The following MANBA variants were observed in gnomAD, a reference collection of about 807,000 sequenced individuals.
MANBA encodes the protein mannosidase beta.
In MANBA, 83 loss-of-function variants were observed where a neutral mutation model predicts 111.1. The observed-to-expected ratio is 0.75, with a 90% CI of 0.63 to 0.90. The LOEUF (loss-of-function observed/expected upper bound fraction) is 0.90. MANBA is among the 40% of genes least tolerant of loss of function. The pLI is 0.00. For synonymous variants in MANBA, 370 were observed against 378.7 expected, an observed-to-expected ratio of 0.98 and a Z score of 0.27; for missense variants, 1,036 against 1,069.0, an observed-to-expected ratio of 0.97 and a Z score of 0.43.
chr4:102,653,408 T>G (rs1730429521), intron 12 of MANBA, among the ~76,000 whole-genome samples: 1 of 152,226 alleles, frequency 6.6e-6, no homozygotes, highest in Non-Finnish European at 1.5e-5. Context: ...AGCCCAAACT[T>G]TTAATCACCG....
At position 102,759,784 on chromosome 4, in the gene MANBA, C is replaced by T. The variant is rs113599308; in HGVS notation, c.177+934G>A. Among the ~76,000 whole-genome samples the T allele has an allele frequency of 8.0e-3, 1,224 of 152,218 alleles. 12 individuals are homozygous for T. The highest frequency in any genetic ancestry group is 0.028 in the African/African-American group (1,174 of 41,522). ...ACCTGGGTTAGAATTCCATTTCTTT[C>T]CATTTAGTTGCTGTCACCTTCCTAA... On this transcript the variant is annotated intron_variant, in intron 1 of 16. Transcript: ENST00000647097.
intron 1 of MANBA, among the ~76,000 whole-genome samples, chr4:102,757,325 G>A (rs1165621819): frequency 1.3e-5 from 2 of 148,572 alleles, no homozygotes; most frequent in Non-Finnish European, 3.0e-5. Context: ...GCGAAACTCC[G>A]TCTCAAAAAA....
At chr4:102,636,031 G>T in intron 14 of MANBA, 24 bp from the exon 15 acceptor site, 1 of 1,609,776 alleles carries the variant, frequency 6.2e-7, no homozygotes, top group East Asian at 2.2e-5. Flanking sequence ...AGAGTGTCAG[G>T]AGACGGCAAG....
chr4:102,664,551 C>T (rs942879698), intron 11 of MANBA, 134 bp downstream of exon 11: 3 of 736,334 alleles, frequency 4.1e-6, no homozygotes, highest in South Asian at 1.5e-5. Context: ...GGGGTTTCAC[C>T]GTGGTCTCGA....
chr4:102,632,539 G>T (rs1401499175), intron 16 of MANBA, among the ~76,000 whole-genome samples: 1 of 152,216 alleles, frequency 6.6e-6, no homozygotes, highest in Non-Finnish European at 1.5e-5. Flanking sequence ...TATTTCACAA[G>T]AAGCTCAAAG....
chr4:102,752,585 G>C, intron 1 of MANBA: 1 of 643,608 alleles, frequency 1.6e-6, no homozygotes, highest in Non-Finnish European at 3.0e-6. Flanking sequence ...TGGACAAGCA[G>C]ACAATAAATT....
intron 7 of MANBA, among the ~76,000 whole-genome samples, chr4:102,674,975 T>C (rs917736833): frequency 2.0e-5 from 3 of 152,228 alleles, no homozygotes; most frequent in Non-Finnish European, 4.4e-5. Flanking sequence ...ACTTTATTTA[T>C]ATGAAATGAC....
chr4:102,705,441 T>C (rs1733254237), intron 5 of MANBA, among the ~76,000 whole-genome samples: 1 of 152,160 alleles, frequency 6.6e-6, no homozygotes. Context: ...CATCCCCAAG[T>C]GTAGCCAGGC....
At chr4:102,738,442 C>T (rs1723293655) in intron 1 of MANBA, among the ~76,000 whole-genome samples, 1 of 152,230 alleles carries the variant, frequency 6.6e-6, no homozygotes. Flanking sequence ...GGCAGACAGT[C>T]CCCAGCATCA....
At chr4:102,727,056 C>A (rs1276141975) in intron 1 of MANBA, among the ~76,000 whole-genome samples, 4 of 152,190 alleles carry the variant, frequency 2.6e-5, no homozygotes, top group African/African-American at 4.8e-5. Context: ...GGATTACAGG[C>A]ATGAGCCATC....
intron 5 of MANBA, among the ~76,000 whole-genome samples, chr4:102,708,434 T>TA (rs998549866): frequency 8.6e-5 from 13 of 151,610 alleles, no homozygotes; most frequent in Admixed American, 1.3e-4. Context: ...AAGGAGGTAA[T>TA]AAAAAAAGTC....
chr4:102,740,910 C>A (rs189200752), intron 1 of MANBA, among the ~76,000 whole-genome samples: 3 of 151,582 alleles, frequency 2.0e-5, no homozygotes, highest in African/African-American at 7.3e-5. Context: ...TTCCTAAGAA[C>A]CCAAAAGCAA....
At chr4:102,725,353 C>T (rs963376424) in intron 2 of MANBA, among the ~76,000 whole-genome samples, 1 of 151,912 alleles carries the variant, frequency 6.6e-6, no homozygotes, top group Non-Finnish European at 1.5e-5. Context: ...AACCCCTTAC[C>T]CCTGCAAAGA....
chr4:102,690,153 A>C (rs1348120791), intron 6 of MANBA, among the ~76,000 whole-genome samples: 2 of 152,198 alleles, frequency 1.3e-5, no homozygotes, highest in Non-Finnish European at 2.9e-5. Context: ...GAAAAGATAA[A>C]AATAATCCGT....
chr4:102,711,682 A>C (rs1722074045), intron 5 of MANBA, among the ~76,000 whole-genome samples: 1 of 152,220 alleles, frequency 6.6e-6, no homozygotes, highest in Admixed American at 6.5e-5. Flanking sequence ...CACTATTCAC[A>C]ATAGCAAAGA....
intron 1 of MANBA, chr4:102,734,338 G>A (rs769810623): frequency 1.6e-5 from 26 of 1,600,752 alleles, no homozygotes; most frequent in Admixed American, 6.8e-5. Flanking sequence ...AGAGACCTCA[G>A]GCAGCAAGCG....
rs545500023 is a variant in MANBA, at chr4:102,669,986, AAAAG to A, written c.1231-941_1231-938del. ...CAGAGCAAGACTCCGTCTCAAAAAAAAAAGAAAGAAATATAAAAATTAGCCGGGC... is the reference window on the plus strand; with the variant it reads ...CAGAGCAAGACTCCGTCTCAAAAAAAAAAGAAATATAAAAATTAGCCGGGC... On this transcript the variant is annotated intron_variant, in intron 9 of 16. Transcript: ENST00000647097. Among the ~76,000 whole-genome samples, 330 of 152,008 alleles carry A rather than the reference AAAAG, an allele frequency of 2.2e-3. 1 individual carries two copies. The highest frequency in any genetic ancestry group is 7.7e-3 in the African/African-American group (318 of 41,434).
intron 1 of MANBA, chr4:102,752,357 C>T: frequency 7.3e-7 from 1 of 1,361,442 alleles, no homozygotes. Context: ...CTGTGGGATC[C>T]CCGAACTAAA....
intron 1 of MANBA, among the ~76,000 whole-genome samples, chr4:102,746,656 G>A (rs1723595553): frequency 6.6e-6 from 1 of 152,162 alleles, no homozygotes; most frequent in South Asian, 2.1e-4. Context: ...CAAGGACTAT[G>A]GGTGTTCTCC....
Sources: allele counts gnomAD v4.1 joint callset (sites outside exome capture counted in the v4.1 genomes callset), GRCh38; gene constraint gnomAD v4.1.1; transcripts MANE v1.5; gene names NCBI Gene and HGNC (gene_info 2026-07-23, HGNC 2026-07-21).